The following THRB variants were observed in gnomAD, a reference collection of about 807,000 sequenced individuals.
THRB encodes thyroid hormone receptor beta, also known as nuclear receptor subfamily 1 group A member 2.
Under a neutral mutation model 47.8 loss-of-function variants are expected in THRB, and 12 were observed. That is an observed-to-expected ratio of 0.25 (90% CI 0.16 to 0.41). The LOEUF is 0.41. Among genes scored for constraint, THRB ranks in the 10% least tolerant of loss-of-function variants. The probability of loss-of-function intolerance (pLI) is 1.00; values close to 1 mark genes in which losing one functional copy is unlikely to be tolerated. For synonymous variants in THRB, 218 were observed against 212.2 expected (o/e 1.03, Z -0.24); for missense variants, 348 against 589.2 (o/e 0.59, Z 4.24).
intron 2 of THRB, among the ~76,000 whole-genome samples, chr3:24,327,401 A>G (rs1044732091): frequency 6.6e-6 from 1 of 152,230 alleles, no homozygotes; most frequent in Non-Finnish European, 1.5e-5. Flanking sequence ...ATCATTCATC[A>G]GTAGACAATG....
At chr3:24,334,428 A>G (rs2062110361) in intron 2 of THRB, among the ~76,000 whole-genome samples, 1 of 152,256 alleles carries the variant, frequency 6.6e-6, no homozygotes, top group South Asian at 2.1e-4. Context: ...AATATTTTTA[A>G]AAGCACATGT....
In THRB at chr3:24,494,724, C is replaced by T. The variant is rs1419116613; in HGVS notation, c.-333G>A. The T allele has an allele frequency of 3.3e-5, 5 of 152,244 alleles. No homozygotes were observed. The highest frequency in any genetic ancestry group is 4.8e-5 in the African/African-American group (2 of 41,426). 9.4% of individuals were successfully genotyped at this position (152,244 alleles called of 1,614,324 possible). ...GCCGGTTGGGTTGAGCGCCCCTGCCCGGGGAAGGTAGCCTGCGGGCTCTTG... is the reference window on the plus strand; with the variant it reads ...GCCGGTTGGGTTGAGCGCCCCTGCCTGGGGAAGGTAGCCTGCGGGCTCTTG... On this transcript the variant is annotated 5_prime_UTR_variant, in exon 1 of 11. Transcript: ENST00000646209.
rs934163418 is a variant in THRB, at chr3:24,141,869, G to T, written c.738+1632C>A. Among the ~76,000 whole-genome samples, 4 of 152,330 alleles carry T rather than the reference G, an allele frequency of 2.6e-5. No homozygotes were observed. In the East Asian group the frequency reaches 7.7e-4, roughly 29 times the overall value. On this transcript the variant is annotated intron_variant, in intron 8 of 10. Coordinates refer to ENST00000646209, the MANE Select transcript of THRB (RefSeq NM_001354712.2). ...GTCCATTTATGGGTGACACATTTGGGGAAAGGATGGATTTAAGTTTGCAAT... is the reference window on the plus strand; with the variant it reads ...GTCCATTTATGGGTGACACATTTGGTGAAAGGATGGATTTAAGTTTGCAAT...
In THRB at chr3:24,412,364, A is replaced by C. The variant is rs535916469; in HGVS notation, c.-260-74993T>G. ...GTCTTCCAAATAAACCCCAGTTTAT[A>C]TGAGAAGCTTTAAAAAATTACAAAG... is the stretch of plus-strand genomic sequence containing the variant. On this transcript the variant is annotated intron_variant, in intron 1 of 10. Transcript: ENST00000646209. 1.4e-4 allele frequency among the ~76,000 whole-genome samples: 21 copies of C among 151,980 alleles called. No individual in the cohort carries two copies. In the South Asian group the frequency reaches 4.2e-3, roughly 30 times the overall value.
intron 3 of THRB, among the ~76,000 whole-genome samples, chr3:24,278,694 T>A (rs569353217): frequency 1.3e-5 from 2 of 152,318 alleles, no homozygotes; most frequent in South Asian, 4.1e-4. Flanking sequence ...TCTGTAACTG[T>A]TTCCAGATTT....
intron 1 of THRB, among the ~76,000 whole-genome samples, chr3:24,477,885 G>A (rs1695731814): frequency 6.7e-6 from 1 of 149,724 alleles, no homozygotes; most frequent in African/African-American, 2.5e-5. Flanking sequence ...AGCTACTTAG[G>A]AATAGATTAC....
intron 4 of THRB, among the ~76,000 whole-genome samples, chr3:24,210,021 A>C (rs536400570): frequency 2.0e-5 from 3 of 152,352 alleles, no homozygotes; most frequent in African/African-American, 7.2e-5. Context: ...AGAATTAACA[A>C]AACGGTGATG....
rs966711598 is a variant in THRB, at chr3:24,311,928, C to T, written c.-188-14557G>A. Among the ~76,000 whole-genome samples the T allele has an allele frequency of 5.3e-5, 8 of 152,170 alleles. No homozygotes were observed. In the East Asian group the frequency reaches 7.7e-4, roughly 15 times the overall value. On this transcript the variant is annotated intron_variant, in intron 2 of 10. Coordinates refer to ENST00000646209, the MANE Select transcript of THRB (RefSeq NM_001354712.2). ...TTGCAATGGCTTATAAGGCTTTGTACGCACAGGCCACCAATTACTTCTCAT... is the reference window on the plus strand; with the variant it reads ...TTGCAATGGCTTATAAGGCTTTGTATGCACAGGCCACCAATTACTTCTCAT...
intron 3 of THRB, among the ~76,000 whole-genome samples, chr3:24,268,067 C>A (rs1295109956): frequency 6.6e-6 from 1 of 151,984 alleles, no homozygotes; most frequent in African/African-American, 2.4e-5. Context: ...ACATTCAACC[C>A]CAAAGACAAT....
At position 24,117,563 on chromosome 3, in the gene THRB, AT is replaced by A. The variant is rs1383821645; in HGVS notation, c.*5320del. ...TCATTAGAATTGTTGGAGAAAAGAA[AT>A]TCTCCTTTCACTATATTTGGAGCTG... On this transcript the variant is annotated 3_prime_UTR_variant, in exon 11 of 11. Transcript: ENST00000646209. 1 of 152,246 alleles carries A rather than the reference AT, an allele frequency of 6.6e-6. No individual in the cohort carries two copies. Among genetic ancestry groups the A allele is most frequent in the African/African-American group, 2.4e-5 (1 of 41,458 alleles). 9.4% of individuals were successfully genotyped at this position (152,246 alleles called of 1,614,324 possible). A position where few individuals can be genotyped will look rare whatever the true frequency, so the allele number is the denominator to read the frequency against.
At position 24,234,355 on chromosome 3, in the gene THRB, GA is replaced by G. The variant is rs199803982; in HGVS notation, c.-42-5355del. Among the ~76,000 whole-genome samples the G allele has an allele frequency of 7.2e-3, 1,091 of 152,272 alleles. 12 individuals carry two copies. Among genetic ancestry groups the G allele is most frequent in the African/African-American group, 0.025 (1,043 of 41,542 alleles). On this transcript the variant is annotated intron_variant, in intron 3 of 10. Transcript: ENST00000646209. ...ATTCTTAAAATGCAGATAGCTAATG[GA>G]AAAGATATAAGTTGATGTAAATGTG...
intron 1 of THRB, among the ~76,000 whole-genome samples, chr3:24,482,538 C>CTCTCTCTCTCT (rs1696624544): frequency 3.8e-5 from 5 of 130,916 alleles, no homozygotes; most frequent in African/African-American, 1.5e-4. Context: ...TTTCTGTCTC[C>CTCTCTCTCTCT]CTCTCTCTCT....
intron 5 of THRB, among the ~76,000 whole-genome samples, chr3:24,158,206 G>T (rs1038709561): frequency 2.6e-5 from 4 of 152,156 alleles, no homozygotes; most frequent in Non-Finnish European, 5.9e-5. Flanking sequence ...TTCTCACAGT[G>T]TAACGATCAA....
At chr3:24,332,443 T>C (rs1317400350) in intron 2 of THRB, among the ~76,000 whole-genome samples, 1 of 152,232 alleles carries the variant, frequency 6.6e-6, no homozygotes, top group Non-Finnish European at 1.5e-5. Flanking sequence ...AATAATACTT[T>C]GATCTCTTCA....
Position 24,337,317 on chromosome 3 carries a change from C to A in THRB, c.-206G>T, listed in dbSNP as rs1219116092. On this transcript the variant is annotated 5_prime_UTR_variant, in exon 2 of 11. The change abolishes an upstream ATG in the 5' untranslated region. Transcript: ENST00000646209. Reference sequence around the variant, plus strand: ...CATCTGACCTTCTTATTCATTAAATCATGTGTGGAACTTGGCACCCACGCA... The same window carrying A: ...CATCTGACCTTCTTATTCATTAAATAATGTGTGGAACTTGGCACCCACGCA... The A allele has an allele frequency of 6.6e-6, 1 of 152,172 alleles. No individual in the cohort carries two copies. The highest frequency in any genetic ancestry group is 1.5e-5 in the Non-Finnish European group (1 of 68,042). 9.4% of individuals were successfully genotyped at this position (152,172 alleles called of 1,614,324 possible).
At chr3:24,333,181 G>C (rs761535483) in intron 2 of THRB, among the ~76,000 whole-genome samples, 1 of 152,084 alleles carries the variant, frequency 6.6e-6, no homozygotes, top group Non-Finnish European at 1.5e-5. Context: ...AAGCAGTTTG[G>C]TGGATGAAAA....
chr3:24,204,230 T>A (rs1685583244), intron 4 of THRB, among the ~76,000 whole-genome samples: 2 of 152,172 alleles, frequency 1.3e-5, no homozygotes, highest in Non-Finnish European at 2.9e-5. Flanking sequence ...GACCCCTGAG[T>A]AGCCTTACTG....
At chr3:24,434,540 C>T (rs371594812) in intron 1 of THRB, among the ~76,000 whole-genome samples, 1 of 152,198 alleles carries the variant, frequency 6.6e-6, no homozygotes, top group South Asian at 2.1e-4. Flanking sequence ...TGTGAAAAGG[C>T]TTTGCCATCC....
At chr3:24,373,373 G>A (rs535059970) in intron 1 of THRB, among the ~76,000 whole-genome samples, 4 of 152,248 alleles carry the variant, frequency 2.6e-5, no homozygotes, top group African/African-American at 9.6e-5. Flanking sequence ...CTTTCTGAAA[G>A]GCACTGGGTA....
Sources: allele counts gnomAD v4.1 joint callset (sites outside exome capture counted in the v4.1 genomes callset), GRCh38; gene constraint gnomAD v4.1.1; transcripts MANE v1.5; gene names NCBI Gene and HGNC (gene_info 2026-07-23, HGNC 2026-07-21).